FAM184B: variants seen among roughly 807,000 people sequenced by gnomAD.
FAM184B encodes the protein protein FAM184B.
Under a neutral mutation model 135.9 loss-of-function variants are expected in FAM184B, and 111 were observed. The observed-to-expected ratio is 0.82, with a 90% confidence interval of 0.70 to 0.96. The LOEUF (loss-of-function observed/expected upper bound fraction) is 0.96. Ranked by LOEUF, FAM184B falls within the 40% of genes least tolerant of loss-of-function variation. The probability of loss-of-function intolerance (pLI) is 0.00; values close to 1 mark genes in which losing one functional copy is unlikely to be tolerated. For missense variants in FAM184B, 1,375 were observed against 1,323.9 expected, an observed-to-expected ratio of 1.04 and a Z score of -0.60; for synonymous variants, 552 against 524.8, an observed-to-expected ratio of 1.05 and a Z score of -0.71.
intron 5 of FAM184B, among the ~76,000 whole-genome samples, chr4:17,704,070 A>G (rs1717052276): frequency 6.6e-6 from 1 of 152,190 alleles, no homozygotes; most frequent in Admixed American, 6.5e-5. Flanking sequence ...CATTTAACAC[A>G]TAATCTTGAG....
intron 1 of FAM184B, among the ~76,000 whole-genome samples, chr4:17,753,295 A>G (rs1260872294): frequency 2.0e-5 from 3 of 152,236 alleles, no homozygotes; most frequent in Admixed American, 2.0e-4. Context: ...CCCAGTACCT[A>G]ATACATGAAG....
intron 1 of FAM184B, among the ~76,000 whole-genome samples, chr4:17,730,922 G>A (rs890457483): frequency 1.3e-5 from 2 of 152,176 alleles, no homozygotes; most frequent in Non-Finnish European, 2.9e-5. Context: ...GCCAAGGCTC[G>A]AGAATTACGT....
At chr4:17,689,637 T>A (rs1029081084) in intron 6 of FAM184B, among the ~76,000 whole-genome samples, 3 of 152,034 alleles carry the variant, frequency 2.0e-5, no homozygotes, top group Admixed American at 6.5e-5. Flanking sequence ...AAGCCTTTTT[T>A]AAAAAAATTA....
At chr4:17,704,966 G>A in intron 5 of FAM184B, 34 bp downstream of exon 5, 1 of 1,522,496 alleles carries the variant, frequency 6.6e-7, no homozygotes, top group Non-Finnish European at 8.8e-7. Context: ...AAAGAAAAAA[G>A]AACCAGAACA....
chr4:17,735,951 G>C (rs187684086), intron 1 of FAM184B, among the ~76,000 whole-genome samples: 1 of 152,190 alleles, frequency 6.6e-6, no homozygotes, highest in Non-Finnish European at 1.5e-5. Context: ...CTAAACCTGG[G>C]AAGCTCAGCA....
chr4:17,687,790 G>A (rs1001261887), intron 7 of FAM184B, among the ~76,000 whole-genome samples: 26 of 152,174 alleles, frequency 1.7e-4, no homozygotes, highest in Non-Finnish European at 1.8e-4. Context: ...GCACAGACCA[G>A]GTTCTCACTC....
At chr4:17,653,548 C>G (rs1715690864) in intron 10 of FAM184B, among the ~76,000 whole-genome samples, 1 of 151,990 alleles carries the variant, frequency 6.6e-6, no homozygotes, top group African/African-American at 2.4e-5. Context: ...TTTTTCCCTA[C>G]TTTTTATTTT....
Position 17,657,389 on chromosome 4 carries a change from T to C in FAM184B, c.2037+961A>G, listed in dbSNP as rs534224773. On this transcript the variant is annotated intron_variant, in intron 10 of 17. Transcript: ENST00000265018. The stretch of plus-strand genomic sequence containing the variant: ...ACCAGACTCCTCAAACCTTCCTTCT[T>C]GCTCCTGAATTGAATCCCTGGCATC... 7.2e-5 allele frequency among the ~76,000 whole-genome samples: 11 copies of C among 152,330 alleles called. No homozygotes were observed. In the South Asian group the frequency reaches 1.9e-3, roughly 26 times the overall value.
intron 5 of FAM184B, among the ~76,000 whole-genome samples, chr4:17,703,856 G>T (rs947577085): frequency 2.0e-5 from 3 of 149,462 alleles, no homozygotes; most frequent in African/African-American, 7.3e-5. Flanking sequence ...GCTTGAACCC[G>T]GCAGGTGGAG....
intron 7 of FAM184B, among the ~76,000 whole-genome samples, chr4:17,682,127 T>G (rs1367831613): frequency 6.6e-6 from 1 of 152,184 alleles, no homozygotes; most frequent in Non-Finnish European, 1.5e-5. Context: ...GACTCCCTTT[T>G]CCTTCTGGAG....
intron 7 of FAM184B, among the ~76,000 whole-genome samples, chr4:17,676,940 A>C (rs1353637441): frequency 6.6e-6 from 1 of 152,256 alleles, no homozygotes; most frequent in African/African-American, 2.4e-5. Context: ...TCACAATGAC[A>C]AAATCACCTA....
rs140107736 is a variant in FAM184B, at chr4:17,639,074, T to C, written c.2666+176A>G. Among the ~76,000 whole-genome samples, 85 of 152,280 alleles carry C rather than the reference T, an allele frequency of 5.6e-4. 2 individuals carry two copies. The East Asian group carries it at 0.014, about 26-fold the overall frequency. ...GTCTCCATCTCCTGAGCTCAAGTGA[T>C]CCACCTGCCTCAGCCTCCCAAAGTG... On this transcript the variant is annotated intron_variant, in intron 14 of 17. Transcript: ENST00000265018.
At chr4:17,704,435 G>A (rs551207239) in intron 5 of FAM184B, among the ~76,000 whole-genome samples, 49 of 152,264 alleles carry the variant, frequency 3.2e-4, no homozygotes, top group Non-Finnish European at 4.7e-4. Flanking sequence ...TGCTGCCCAC[G>A]TGTCCTAGGC....
At chr4:17,742,994 C>A (rs942698810) in intron 1 of FAM184B, among the ~76,000 whole-genome samples, 1 of 152,222 alleles carries the variant, frequency 6.6e-6, no homozygotes, top group Non-Finnish European at 1.5e-5. Flanking sequence ...ACAGAGCTTG[C>A]TCCTGCCAGA....
At chr4:17,763,753 T>C (rs1316031099) in intron 1 of FAM184B, among the ~76,000 whole-genome samples, 1 of 152,200 alleles carries the variant, frequency 6.6e-6, no homozygotes, top group Non-Finnish European at 1.5e-5. Context: ...AGCCTTTTAA[T>C]GGAATTTGCT....
At chr4:17,638,262 C>T (rs1326812191) in intron 14 of FAM184B, among the ~76,000 whole-genome samples, 1 of 149,600 alleles carries the variant, frequency 6.7e-6, no homozygotes, top group Non-Finnish European at 1.5e-5. Context: ...AATCACAGAT[C>T]ACTGCAACCT....
intron 1 of FAM184B, among the ~76,000 whole-genome samples, chr4:17,726,302 T>C (rs1390121042): frequency 4.6e-5 from 7 of 152,190 alleles, no homozygotes; most frequent in Non-Finnish European, 8.8e-5. Flanking sequence ...TATTGGCTCA[T>C]ATACCTGAAA....
At chr4:17,638,176 AT>A (rs373966631) in intron 14 of FAM184B, among the ~76,000 whole-genome samples, 2,093 of 38,224 alleles carry the variant, frequency 0.055, 25 homozygotes, top group Middle Eastern at 0.13. Context: ...GACAGGGTCT[AT>A]TTTTTTTGTT....
chr4:17,649,660 T>TA (rs377422228), intron 11 of FAM184B, among the ~76,000 whole-genome samples: 4,898 of 151,454 alleles, frequency 0.032, 249 homozygotes, highest in African/African-American at 0.11. Context: ...CTTATTTTCT[T>TA]AAAAAAAAAT....
Sources: allele counts gnomAD v4.1 joint callset (sites outside exome capture counted in the v4.1 genomes callset), GRCh38; gene constraint gnomAD v4.1.1; transcripts MANE v1.5; gene names NCBI Gene and HGNC (gene_info 2026-07-23, HGNC 2026-07-21).